Variants in NPAS3 observed in about 807,000 individuals in gnomAD.
The protein encoded by NPAS3 is neuronal PAS domain protein 3, also known as neuronal PAS domain-containing protein 3.
A neutral mutation model predicts 73.1 loss-of-function variants in NPAS3; 14 were observed. The observed-to-expected ratio is 0.19, with a 90% CI of 0.13 to 0.30. NPAS3 has a LOEUF of 0.30. NPAS3 is among the 10% of genes least tolerant of loss of function. The pLI is 1.00. For synonymous variants in NPAS3, 620 were observed against 541.5 expected, an observed-to-expected ratio of 1.14 and a Z score of -2.01; for missense variants, 1,096 against 1,250.0, an observed-to-expected ratio of 0.88 and a Z score of 1.86.
intron 4 of NPAS3, among the ~76,000 whole-genome samples, chr14:33,377,622 C>T (rs1400877295): frequency 6.6e-6 from 1 of 152,096 alleles, no homozygotes; most frequent in Non-Finnish European, 1.5e-5. Context: ...TTTTTGTTTA[C>T]CTTGCTAACT....
At chr14:33,515,263 C>T (rs965678481) in intron 4 of NPAS3, among the ~76,000 whole-genome samples, 1 of 152,010 alleles carries the variant, frequency 6.6e-6, no homozygotes, top group South Asian at 2.1e-4. Context: ...TCTCATTCCA[C>T]TCAAGAAAAT....
At chr14:33,332,537 G>A (rs1239098057) in intron 3 of NPAS3, among the ~76,000 whole-genome samples, 1 of 152,156 alleles carries the variant, frequency 6.6e-6, no homozygotes, top group African/African-American at 2.4e-5. Context: ...TTTGGGGCCA[G>A]GGAAGCTGAT....
intron 3 of NPAS3, among the ~76,000 whole-genome samples, chr14:33,235,396 T>G (rs559439820): frequency 1.3e-5 from 2 of 152,164 alleles, no homozygotes; most frequent in Admixed American, 6.6e-5. Context: ...TCCTTTTTTT[T>G]CAGCTAAAAA....
At chr14:32,972,454 A>ACACATG (rs1167523833) in intron 1 of NPAS3, among the ~76,000 whole-genome samples, 3 of 152,340 alleles carry the variant, frequency 2.0e-5, no homozygotes. Context: ...TAAAATACAC[A>ACACATG]CACATGCACA....
At chr14:33,799,201 G>T (rs1366671313) in intron 11 of NPAS3, among the ~76,000 whole-genome samples, 1 of 152,128 alleles carries the variant, frequency 6.6e-6, no homozygotes, top group African/African-American at 2.4e-5. Context: ...ATGGTGGTAA[G>T]TGCTGTGGGG....
At chr14:33,570,283 A>G (rs2056148573) in intron 5 of NPAS3, among the ~76,000 whole-genome samples, 1 of 152,198 alleles carries the variant, frequency 6.6e-6, no homozygotes, top group Admixed American at 6.5e-5. Context: ...TGCAATGGGA[A>G]TGTTGCTTGC....
At chr14:33,788,229 G>A (rs1216687723) in intron 9 of NPAS3, among the ~76,000 whole-genome samples, 1 of 152,162 alleles carries the variant, frequency 6.6e-6, no homozygotes, top group Non-Finnish European at 1.5e-5. Flanking sequence ...TAATTTTTGA[G>A]TCTGTAGCAG....
chr14:33,475,130 G>A (rs1014387038), intron 4 of NPAS3, among the ~76,000 whole-genome samples: 11 of 151,908 alleles, frequency 7.2e-5, no homozygotes, highest in African/African-American at 2.7e-4. Context: ...ATCAGTTCAG[G>A]ACATATCGAG....
chr14:33,631,089 A>G (rs545827353), intron 5 of NPAS3, among the ~76,000 whole-genome samples: 15 of 152,334 alleles, frequency 9.8e-5, no homozygotes, highest in African/African-American at 2.6e-4. Context: ...CTGTGCAACA[A>G]TAAAGTTGTC....
chr14:33,773,235 C>T (rs56053801), intron 7 of NPAS3, among the ~76,000 whole-genome samples: 7 of 152,280 alleles, frequency 4.6e-5, no homozygotes, highest in Admixed American at 2.0e-4. Flanking sequence ...CAAAAGATAG[C>T]GTGGCACTCA....
rs145222409 is a variant in NPAS3, at chr14:32,946,266, A to G, written c.50+6900A>G. 4.0e-4 allele frequency among the ~76,000 whole-genome samples: 61 copies of G among 152,130 alleles called. No homozygotes were observed. The East Asian group carries it at 0.01, about 26-fold the overall frequency. ...CATGCATTCACTCATTTAATTAAAA[A>G]CATGACATGTTAAAATGGGCCACAA... On this transcript the variant is annotated intron_variant, in intron 1 of 11. Coordinates refer to ENST00000356141, the Ensembl canonical transcript of NPAS3.
At chr14:33,118,172 A>T (rs948128799) in intron 2 of NPAS3, among the ~76,000 whole-genome samples, 2 of 151,960 alleles carry the variant, frequency 1.3e-5, no homozygotes, top group Non-Finnish European at 2.9e-5. Flanking sequence ...ATCACATTGT[A>T]TTTCATATAC....
intron 1 of NPAS3, among the ~76,000 whole-genome samples, chr14:33,004,447 A>C (rs1310632593): frequency 1.3e-5 from 2 of 152,192 alleles, no homozygotes; most frequent in Non-Finnish European, 2.9e-5. Flanking sequence ...ATACAGAAAA[A>C]AGAAGAGAAA....
chr14:32,991,374 C>T (rs1595168812), intron 1 of NPAS3, among the ~76,000 whole-genome samples: 1 of 152,066 alleles, frequency 6.6e-6, no homozygotes, highest in East Asian at 1.9e-4. Flanking sequence ...GATACCTGGC[C>T]CTTTGGTAAA....
chr14:33,288,446 T>C (rs1465756457), intron 3 of NPAS3, among the ~76,000 whole-genome samples: 2 of 152,042 alleles, frequency 1.3e-5, no homozygotes, highest in African/African-American at 2.4e-5. Flanking sequence ...CTGGACCAGA[T>C]TGGTCACAGA....
intron 4 of NPAS3, among the ~76,000 whole-genome samples, chr14:33,531,771 A>G (rs1263656187): frequency 6.6e-6 from 1 of 152,092 alleles, no homozygotes; most frequent in Admixed American, 6.6e-5. Flanking sequence ...TGTTTTCCAG[A>G]GGGGCTGTAC....
chr14:33,525,186 A>C (rs757828011), intron 4 of NPAS3, among the ~76,000 whole-genome samples: 3 of 152,186 alleles, frequency 2.0e-5, no homozygotes, highest in Non-Finnish European at 4.4e-5. Context: ...ATTAAACTTA[A>C]AGAGCCATTC....
intron 3 of NPAS3, among the ~76,000 whole-genome samples, chr14:33,254,171 A>C (rs1173794212): frequency 1.3e-5 from 2 of 151,548 alleles, no homozygotes; most frequent in African/African-American, 4.8e-5. Flanking sequence ...CTCAATTCCA[A>C]TTTTCCATGT....
chr14:33,289,674 T>C (rs2042017309), intron 3 of NPAS3, among the ~76,000 whole-genome samples: 1 of 151,872 alleles, frequency 6.6e-6, no homozygotes, highest in Non-Finnish European at 1.5e-5. Context: ...TACAAAAAAT[T>C]AGCCGGGCAT....
Sources: gnomAD v4.1 joint callset for allele counts (sites outside exome capture counted in the v4.1 genomes callset) on GRCh38, gnomAD v4.1.1 for gene constraint, MANE v1.5 for transcripts, NCBI Gene and HGNC (gene_info 2026-07-23, HGNC 2026-07-21) for gene names.